Variants in RGS7 observed in about 807,000 individuals in gnomAD.
RGS7 encodes regulator of G protein signaling 7, also known as regulator of G-protein signaling 7.
RGS7 carries 27 observed loss-of-function variants against 81.1 expected under a neutral mutation model. That is an observed-to-expected ratio of 0.33 (90% CI 0.25 to 0.46). The LOEUF (loss-of-function observed/expected upper bound fraction) is 0.46, where lower values mean the gene tolerates loss of function less well. Among genes scored for constraint, RGS7 ranks in the 20% least tolerant of loss-of-function variants. RGS7 has a pLI of 1.00. For synonymous variants in RGS7, 208 were observed against 207.7 expected (o/e 1.00, Z -0.01); for missense variants, 396 against 607.4 (o/e 0.65, Z 3.66).
chr1:240,811,677 T>C (rs1292175036), intron 14 of RGS7, among the ~76,000 whole-genome samples: 1 of 152,218 alleles, frequency 6.6e-6, no homozygotes, highest in East Asian at 1.9e-4. Context: ...GCCACCAAAT[T>C]TGTATAGTTA....
At chr1:240,892,608 A>G (rs1668454678) in intron 6 of RGS7, among the ~76,000 whole-genome samples, 1 of 152,160 alleles carries the variant, frequency 6.6e-6, no homozygotes. Flanking sequence ...AATAAACTGG[A>G]ACCTAACTGT....
chr1:240,884,077 CAAAAAAAAAAAAAAAA>C (rs4047365), intron 6 of RGS7, among the ~76,000 whole-genome samples: 1 of 57,372 alleles, frequency 1.7e-5, no homozygotes, highest in Admixed American at 2.6e-4. Flanking sequence ...AACTCCATCT[CAAAAAAAAAAAAAAAA>C]AAAAAAAAAA....
intron 3 of RGS7, among the ~76,000 whole-genome samples, chr1:241,005,770 C>T (rs538184233): frequency 1.3e-5 from 2 of 152,222 alleles, no homozygotes; most frequent in South Asian, 4.1e-4. Context: ...CTCCTGACCT[C>T]GTGATCCACC....
chr1:240,996,263 C>T (rs1687270072), intron 3 of RGS7, among the ~76,000 whole-genome samples: 1 of 152,054 alleles, frequency 6.6e-6, no homozygotes, highest in African/African-American at 2.4e-5. Flanking sequence ...AAGCAAAACA[C>T]CATGCTTTTT....
intron 2 of RGS7, among the ~76,000 whole-genome samples, chr1:241,235,909 T>TGAGAGAGAAAGAGAGA (rs11274117): frequency 0.11 from 15,348 of 137,910 alleles, 1,495 homozygotes; most frequent in East Asian, 0.28. Flanking sequence ...AGATGCACTT[T>TGAGAGAGAAAGAGAGA]GAGAGAGAGA....
intron 3 of RGS7, among the ~76,000 whole-genome samples, chr1:241,041,887 TG>T: frequency 6.6e-6 from 1 of 152,116 alleles, no homozygotes; most frequent in East Asian, 1.9e-4. Flanking sequence ...TCTTGAGGAT[TG>T]GGGGCACATC....
chr1:240,837,168 G>A lies in RGS7; in HGVS notation c.610-9996C>T, dbSNP rs375739053. 2.0e-4 allele frequency among the ~76,000 whole-genome samples: 31 copies of A among 152,188 alleles called. No individual in the cohort carries two copies. In the South Asian group the frequency reaches 5.8e-3, roughly 29 times the overall value. On this transcript the variant is annotated intron_variant, in intron 9 of 18. Transcript: ENST00000440928. ...TGCTTTGAAATTTAAAAAATCACTG[G>A]GCAGAAGCTAAGTTGTCATAATTAT...
intron 2 of RGS7, among the ~76,000 whole-genome samples, chr1:241,330,330 G>C (rs2081897337): frequency 6.6e-6 from 1 of 152,182 alleles, no homozygotes; most frequent in African/African-American, 2.4e-5. Flanking sequence ...ATCTGAGGGT[G>C]AAAGGGAATA....
intron 3 of RGS7, among the ~76,000 whole-genome samples, chr1:241,007,963 A>G (rs2058759167): frequency 6.6e-6 from 1 of 152,164 alleles, no homozygotes; most frequent in South Asian, 2.1e-4. Flanking sequence ...CAATGGGAGG[A>G]GGAAGTAAGA....
chr1:241,311,319 A>G (rs1264153387), intron 2 of RGS7, among the ~76,000 whole-genome samples: 1 of 152,250 alleles, frequency 6.6e-6, no homozygotes, highest in Non-Finnish European at 1.5e-5. Flanking sequence ...TCTGTGCCAC[A>G]TAAAAAACAA....
At chr1:241,234,310 A>T (rs544934473) in intron 2 of RGS7, among the ~76,000 whole-genome samples, 3 of 152,210 alleles carry the variant, frequency 2.0e-5, no homozygotes, top group African/African-American at 7.2e-5. Context: ...TAGAACCCCT[A>T]ATTTTTTGCT....
In RGS7 at chr1:241,214,932, A is replaced by G. The variant is rs114768083; in HGVS notation, c.79-116170T>C. Among the ~76,000 whole-genome samples, 1,180 of 152,162 alleles carry G rather than the reference A, an allele frequency of 7.8e-3. 24 individuals are homozygous for G. Among genetic ancestry groups the G allele is most frequent in the African/African-American group, 0.027 (1,136 of 41,504 alleles). Reference sequence around the variant, plus strand: ...TATGGATACTATAACTTTAACCATTATATCTATTTTTTCCTATGGATTCTT... The same window carrying G: ...TATGGATACTATAACTTTAACCATTGTATCTATTTTTTCCTATGGATTCTT... On this transcript the variant is annotated intron_variant, in intron 2 of 18. Coordinates refer to ENST00000440928, the MANE Select transcript of RGS7 (RefSeq NM_001364886.1).
chr1:241,094,603 T>TAAAACC (rs35139648), intron 3 of RGS7, among the ~76,000 whole-genome samples: 8,948 of 140,000 alleles, frequency 0.064, 629 homozygotes, highest in African/African-American at 0.19. Context: ...TCAACAACTC[T>TAAAACC]AAAACCAAAA....
intron 9 of RGS7, among the ~76,000 whole-genome samples, chr1:240,842,176 A>C (rs1977843): frequency 0.67 from 94,558 of 141,096 alleles, 32,498 homozygotes; most frequent in Middle Eastern, 0.76. Flanking sequence ...TTCTTCTATG[A>C]TTTCAGATTA....
chr1:241,079,161 G>T (rs568099724), intron 3 of RGS7, among the ~76,000 whole-genome samples: 1 of 152,156 alleles, frequency 6.6e-6, no homozygotes, highest in East Asian at 1.9e-4. Flanking sequence ...TAAAAGCGAT[G>T]TGCAGCACCG....
At chr1:241,000,262 G>A (rs1232462357) in intron 3 of RGS7, among the ~76,000 whole-genome samples, 1 of 152,184 alleles carries the variant, frequency 6.6e-6, no homozygotes, top group African/African-American at 2.4e-5. Flanking sequence ...GGTGACTAGG[G>A]ATGGGGCGGG....
intron 4 of RGS7, among the ~76,000 whole-genome samples, chr1:240,982,188 A>AG (rs35768016): frequency 0.81 from 123,388 of 152,042 alleles, 51,632 homozygotes; most frequent in East Asian, 1. Flanking sequence ...TGGGAGGCCA[A>AG]GTGGGTGGAT....
chr1:240,915,679 C>T (rs143260462), intron 6 of RGS7, among the ~76,000 whole-genome samples: 11 of 152,168 alleles, frequency 7.2e-5, no homozygotes, highest in African/African-American at 2.4e-4. Flanking sequence ...TCACATCCTA[C>T]TGTCAACAAC....
chr1:241,179,633 A>G (rs1307523400), intron 2 of RGS7, among the ~76,000 whole-genome samples: 1 of 152,188 alleles, frequency 6.6e-6, no homozygotes, highest in Non-Finnish European at 1.5e-5. Context: ...GATGGACAAC[A>G]TGTGACCTAC....
Sources: gnomAD v4.1 joint callset for allele counts (sites outside exome capture counted in the v4.1 genomes callset) on GRCh38, gnomAD v4.1.1 for gene constraint, MANE v1.5 for transcripts, NCBI Gene and HGNC (gene_info 2026-07-23, HGNC 2026-07-21) for gene names.